GOLPH3: variants seen among roughly 807,000 people sequenced by gnomAD.
GOLPH3 encodes the protein coat protein GPP34.
GOLPH3 carries 14 observed loss-of-function variants against 28.5 expected under a neutral mutation model. That is an observed-to-expected ratio of 0.49 (90% confidence interval 0.32 to 0.77). The LOEUF (loss-of-function observed/expected upper bound fraction) is 0.77. GOLPH3 is among the 30% of genes least tolerant of loss of function. The probability of loss-of-function intolerance (pLI) is 0.03; values close to 1 mark genes in which losing one functional copy is unlikely to be tolerated. For synonymous variants in GOLPH3, 158 were observed against 159.2 expected (o/e 0.99, Z 0.06); for missense variants, 350 against 393.7 (o/e 0.89, Z 0.94).
chr5:32,158,320 T>C (rs1322461009), intron 1 of GOLPH3, among the ~76,000 whole-genome samples: 2 of 152,134 alleles, frequency 1.3e-5, no homozygotes, highest in African/African-American at 4.8e-5. Context: ...CTCAATTTCA[T>C]ACATACCCAC....
rs1284057978 is a variant in GOLPH3, at chr5:32,125,892, A to C, written c.*320T>G. On this transcript the variant is annotated 3_prime_UTR_variant, in exon 4 of 4. Coordinates refer to ENST00000265070, the MANE Select transcript of GOLPH3 (RefSeq NM_022130.4). ...GGAGAAACTCAAGCTGAGGTCATCC[A>C]AAAGCTGTGCGTATGAGGAGGCTGG... 7.9e-6 allele frequency: 2 copies of C among 251,948 alleles called. No homozygotes were observed. Among genetic ancestry groups the C allele is most frequent in the Non-Finnish European group, 7.6e-6 (1 of 130,822 alleles). 15.6% of individuals were successfully genotyped at this position (251,948 alleles called of 1,614,324 possible).
intron 2 of GOLPH3, among the ~76,000 whole-genome samples, chr5:32,142,211 C>G (rs1746084238): frequency 6.6e-6 from 1 of 151,794 alleles, no homozygotes. Flanking sequence ...GCGTCTCTGC[C>G]CGGCCGCCCA....
At chr5:32,155,956 C>CAAAAAAAAAAAAAAAAAAAAAAA (rs70961608) in intron 1 of GOLPH3, among the ~76,000 whole-genome samples, 2 of 47,770 alleles carry the variant, frequency 4.2e-5, no homozygotes, top group Non-Finnish European at 8.6e-5. Context: ...AACACTGTCT[C>CAAAAAAAAAAAAAAAAAAAAAAA]AAAAAAAAAA....
In GOLPH3 at chr5:32,125,307, T is replaced by A. The variant is rs1035826000; in HGVS notation, c.*905A>T. Reference sequence around the variant, plus strand: ...ATTATAAAAACAGTAAGATAAAATTTAAAAAAAATCTAACAAGGGGATGCA... The same window carrying A: ...ATTATAAAAACAGTAAGATAAAATTAAAAAAAAATCTAACAAGGGGATGCA... On this transcript the variant is annotated 3_prime_UTR_variant, in exon 4 of 4. Coordinates refer to ENST00000265070, the MANE Select transcript of GOLPH3 (RefSeq NM_022130.4). The A allele has an allele frequency of 1.3e-5, 2 of 152,428 alleles. No homozygotes were observed. The highest frequency in any genetic ancestry group is 2.9e-5 in the Non-Finnish European group (2 of 67,996). 9.4% of individuals were successfully genotyped at this position (152,428 alleles called of 1,614,324 possible). A position where few individuals can be genotyped will look rare whatever the true frequency, so the allele number is the denominator to read the frequency against.
chr5:32,165,085 A>G (rs989021571), intron 1 of GOLPH3, among the ~76,000 whole-genome samples: 1 of 151,710 alleles, frequency 6.6e-6, no homozygotes, highest in Non-Finnish European at 1.5e-5. Flanking sequence ...TTTTTAGTAG[A>G]GATGGAGTTT....
At chr5:32,168,832 C>G (rs183572259) in intron 1 of GOLPH3, among the ~76,000 whole-genome samples, 10 of 152,134 alleles carry the variant, frequency 6.6e-5, no homozygotes, top group African/African-American at 2.4e-4. Context: ...TAGAGCCGGT[C>G]GCAGTAATCC....
In GOLPH3 at chr5:32,126,190, G is replaced by GA. The variant is rs1561652992; in HGVS notation, c.*21dup. 4 of 1,586,582 alleles carry GA rather than the reference G, an allele frequency of 2.5e-6. No homozygotes were observed. The highest frequency in any genetic ancestry group is 3.4e-6 in the Non-Finnish European group (4 of 1,163,530). ...CTACTGGTTTACTTGAGAGAAAGGA[G>GA]AATGGTTCACCCCGAGCAGAGTTAC... is the stretch of plus-strand genomic sequence containing the variant. On this transcript the variant is annotated 3_prime_UTR_variant, in exon 4 of 4. Transcript: ENST00000265070.
chr5:32,129,864 C>T (rs1184331885), intron 3 of GOLPH3, among the ~76,000 whole-genome samples: 2 of 150,640 alleles, frequency 1.3e-5, no homozygotes, highest in Non-Finnish European at 1.5e-5. Context: ...TTTTTTGAGA[C>T]GGAGTCTCAC....
intron 1 of GOLPH3, among the ~76,000 whole-genome samples, chr5:32,155,097 T>TTAAAAAAA (rs1581551017): frequency 5.0e-5 from 1 of 20,130 alleles, no homozygotes; most frequent in Non-Finnish European, 9.4e-5. Flanking sequence ...AGACTCTGTC[T>TTAAAAAAA]CAAAAAAAAA....
At chr5:32,146,590 T>C (rs1186307571) in intron 1 of GOLPH3, among the ~76,000 whole-genome samples, 3 of 152,212 alleles carry the variant, frequency 2.0e-5, no homozygotes, top group African/African-American at 7.2e-5. Flanking sequence ...TGCTCTCAAC[T>C]GCCTACTTAC....
intron 1 of GOLPH3, among the ~76,000 whole-genome samples, chr5:32,162,699 TG>T (rs1471497461): frequency 6.6e-6 from 1 of 152,224 alleles, no homozygotes; most frequent in Non-Finnish European, 1.5e-5. Context: ...CATTTGCATT[TG>T]TTCAGCACCA....
intron 1 of GOLPH3, among the ~76,000 whole-genome samples, chr5:32,151,845 C>G (rs1188620320): frequency 6.6e-6 from 1 of 152,128 alleles, no homozygotes; most frequent in Non-Finnish European, 1.5e-5. Context: ...AGACATTATG[C>G]TAAGTGAAAT....
Position 32,125,448 on chromosome 5 carries a change from T to C in GOLPH3, c.*764A>G, listed in dbSNP as rs940500954. 4 of 152,760 alleles carry C rather than the reference T, an allele frequency of 2.6e-5. No homozygotes were observed. Among genetic ancestry groups the C allele is most frequent in the Non-Finnish European group, 4.4e-5 (3 of 68,044 alleles). 9.5% of individuals were successfully genotyped at this position (152,760 alleles called of 1,614,324 possible). A position where few individuals can be genotyped will look rare whatever the true frequency, so the allele number is the denominator to read the frequency against. ...CGATTTTGCCATCAAATAACCATGATTGAAGCAAGCGAGGGGCACCAGGTG... is the reference window on the plus strand; with the variant it reads ...CGATTTTGCCATCAAATAACCATGACTGAAGCAAGCGAGGGGCACCAGGTG... On this transcript the variant is annotated 3_prime_UTR_variant, in exon 4 of 4. Coordinates refer to ENST00000265070, the MANE Select transcript of GOLPH3 (RefSeq NM_022130.4).
intron 1 of GOLPH3, among the ~76,000 whole-genome samples, chr5:32,151,183 C>G (rs2111869613): frequency 6.7e-6 from 1 of 150,196 alleles, no homozygotes; most frequent in South Asian, 2.1e-4. Flanking sequence ...ACAGATAAAT[C>G]TCTAGTATAC....
intron 2 of GOLPH3, among the ~76,000 whole-genome samples, chr5:32,141,245 T>C (rs558540806): frequency 1.1e-4 from 16 of 152,186 alleles, no homozygotes; most frequent in African/African-American, 3.9e-4. Context: ...TCAAGATGCA[T>C]TCCGCTCTGA....
intron 1 of GOLPH3, among the ~76,000 whole-genome samples, chr5:32,158,018 TAAA>T (rs1364831757): frequency 2.6e-4 from 7 of 26,960 alleles, no homozygotes; most frequent in South Asian, 1.1e-3. Context: ...AATAAATAAA[TAAA>T]ATACACACAC....
intron 2 of GOLPH3, among the ~76,000 whole-genome samples, chr5:32,142,895 G>C (rs910103239): frequency 3.2e-3 from 466 of 145,300 alleles, no homozygotes; most frequent in South Asian, 0.013. Flanking sequence ...GCCCGGCCGC[G>C]CCTACTGGGA....
Position 32,142,828 on chromosome 5 carries a change from G to C in GOLPH3, c.357+921C>G, listed in dbSNP as rs1029738979. 9.5e-5 allele frequency among the ~76,000 whole-genome samples: 14 copies of C among 146,762 alleles called. 1 individual carries two copies. The highest frequency in any genetic ancestry group is 2.8e-4 in the African/African-American group (11 of 38,932). On this transcript the variant is annotated intron_variant, in intron 2 of 3. Coordinates refer to ENST00000265070, the MANE Select transcript of GOLPH3 (RefSeq NM_022130.4). ...GCTGCCCCGTCCAGGAGGGAGGTGGGGGGGGTCAGCCCCCCGCCCGGCCAG... is the reference window on the plus strand; with the variant it reads ...GCTGCCCCGTCCAGGAGGGAGGTGGCGGGGGTCAGCCCCCCGCCCGGCCAG...
At chr5:32,131,847 C>T (rs1238156168) in intron 3 of GOLPH3, among the ~76,000 whole-genome samples, 1 of 152,326 alleles carries the variant, frequency 6.6e-6, no homozygotes, top group African/African-American at 2.4e-5. Context: ...TCTTACAAAA[C>T]TAAAAGCAGC....
Sources: allele counts gnomAD v4.1 joint callset (sites outside exome capture counted in the v4.1 genomes callset), GRCh38; gene constraint gnomAD v4.1.1; transcripts MANE v1.5; gene names NCBI Gene and HGNC (gene_info 2026-07-23, HGNC 2026-07-21).